The following MAGEA10 variants were observed in gnomAD, a reference collection of about 807,000 sequenced individuals.
The protein encoded by MAGEA10 is melanoma-associated antigen 10.
MAGEA10 carries 7 observed loss-of-function variants against 8.6 expected under a neutral mutation model. The ratio of observed to expected loss-of-function variants is 0.82; its 90% CI spans 0.46 to 1.53. The LOEUF (loss-of-function observed/expected upper bound fraction) is 1.53, where lower values mean the gene tolerates loss of function less well. Among genes scored for constraint, MAGEA10 ranks in the 40% most tolerant of loss-of-function variants. The pLI, the probability that MAGEA10 is intolerant of heterozygous loss-of-function variation, is 0.01. For missense variants in MAGEA10, 293 were observed against 274.0 expected, an observed-to-expected ratio of 1.07 and a Z score of -0.49; for synonymous variants, 125 against 107.4, an observed-to-expected ratio of 1.16 and a Z score of -1.02.
Position 152,134,584 on chromosome X carries a change from G to A in MAGEA10, c.1037C>T (p.Ala346Val). 8.3e-7 allele frequency: 1 copy of A among 1,206,964 alleles called. No homozygotes were observed. Among genetic ancestry groups the A allele is most frequent in the South Asian group, 1.8e-5 (1 of 56,867 alleles). The part of the protein sequence containing the change: ...DEEERAQDRI[A>V]TTDDTTAMAS... ...CATGGCAGTAGTATCATCTGTGGTG[G>A]CAATTCTGTCCTGGGCTCTCTCTTC... is the stretch of plus-strand genomic sequence containing the variant. The change falls in exon 4 of 4, where the codon GCC becomes GTC. Residue 346 changes from alanine (A) to valine (V), a missense_variant. By Grantham distance (64) the Ala-to-Val change is moderately conservative. Transcript: ENST00000370323.
chrX:152,138,341 T>TGGGGGGGGGGGAGGGGGGGGGGGGGGG (rs11365460), intron 1 of MAGEA10, 134 bp downstream of exon 1: 15 of 26,413 alleles, frequency 5.7e-4, no homozygotes, highest in African/African-American at 1.1e-3. Flanking sequence ...GGGGCGGGGG[T>TGGGGGGGGGGGAGGGGGGGGGGGGGGG]GGGGGGGGGG....
intron 1 of MAGEA10, among the ~76,000 whole-genome samples, chrX:152,138,008 T>C (rs1936717610): frequency 9.1e-6 from 1 of 110,257 alleles, no homozygotes; most frequent in Non-Finnish European, 1.9e-5. Flanking sequence ...AGAGGTGGGG[T>C]GGGCACCCTG....
In MAGEA10 at chrX:152,135,065, C is replaced by T; in HGVS notation, c.556G>A (p.Val186Ile). ...ACTTCCTTTACATCAATGCCAAAGA[C>T]CAGCAGCATGCACTCGGAGGCTTCA... is the stretch of plus-strand genomic sequence containing the variant. ...FSEASECMLL[V>I]FGIDVKEVDP... The change falls in exon 4 of 4, where the codon GTC (valine) becomes ATC (isoleucine). Residue 186 changes from valine to isoleucine, a missense_variant. Val to Ile is a conservative substitution (Grantham distance 29). Coordinates refer to ENST00000370323, the MANE Select transcript of MAGEA10 (RefSeq NM_021048.5). The T allele has an allele frequency of 8.3e-7, 1 of 1,211,317 alleles. No individual in the cohort carries two copies. The highest frequency in any genetic ancestry group is 2.2e-5 in the Admixed American group (1 of 46,051).
chrX:152,135,904 T>C, intron 2 of MAGEA10, 70 bp from the exon 3 acceptor site: 1 of 253,396 alleles, frequency 3.9e-6, no homozygotes, highest in Non-Finnish European at 7.1e-6. Flanking sequence ...GGACTGACAG[T>C]AGGGTAGGTG....
intron 2 of MAGEA10, chrX:152,136,096 AG>A (rs1936668616): frequency 8.9e-6 from 1 of 112,473 alleles, no homozygotes; most frequent in African/African-American, 3.3e-5. Flanking sequence ...AGAGGAATTG[AG>A]GGGCCCTCAG....
rs1033532929 is a variant in MAGEA10 at position 152,134,117 on chromosome X, A to C, written c.*394T>G. 1.5e-5 allele frequency: 2 copies of C among 129,858 alleles called. No individual in the cohort carries two copies. Among genetic ancestry groups the C allele is most frequent in the Non-Finnish European group, 3.1e-5 (2 of 65,394 alleles). The allele number at this position is 129,858 out of a possible 1,213,427, so 10.7% of individuals were successfully genotyped here. ...TCTCATTTGTTTTCATAAATTAAAA[A>C]AAAACAAAAACATAAACAAAAACTG... is the stretch of plus-strand genomic sequence containing the variant. On this transcript the variant is annotated 3_prime_UTR_variant, in exon 4 of 4. Transcript: ENST00000370323.
In MAGEA10 at chrX:152,134,446, C is replaced by A; in HGVS notation, c.*65G>T. On this transcript the variant is annotated 3_prime_UTR_variant, in exon 4 of 4. Transcript: ENST00000370323. ...TTTTTTTTTTTTTTTTTAGATTCCACATATGAGTAAAATCATGTGGTATTT... is the reference window on the plus strand; with the variant it reads ...TTTTTTTTTTTTTTTTTAGATTCCAAATATGAGTAAAATCATGTGGTATTT... 3.1e-4 allele frequency: 219 copies of A among 695,484 alleles called. No homozygotes were observed. Among genetic ancestry groups the A allele is most frequent in the Middle Eastern group, 5.3e-4 (1 of 1,899 alleles). The allele number at this position is 695,484 out of a possible 1,213,427, so 57.3% of individuals were successfully genotyped here. A position where few individuals can be genotyped will look rare whatever the true frequency, so the allele number is the denominator to read the frequency against.
At chrX:152,136,482 C>T (rs1936677613) in intron 2 of MAGEA10, among the ~76,000 whole-genome samples, 1 of 110,517 alleles carries the variant, frequency 9.0e-6, no homozygotes, top group African/African-American at 3.3e-5. Flanking sequence ...TCTGAGGCCA[C>T]TTCCTTAAAC....
At chrX:152,137,442 GC>G (rs1936702677) in intron 1 of MAGEA10, among the ~76,000 whole-genome samples, 1 of 9,022 alleles carries the variant, frequency 1.1e-4, no homozygotes, top group African/African-American at 3.5e-4. Context: ...GGGGTGGTGG[GC>G]AGGGGAGGGG....
chrX:152,137,934 G>A (rs775345497), intron 1 of MAGEA10, among the ~76,000 whole-genome samples: 119 of 110,398 alleles, frequency 1.1e-3, no homozygotes, highest in Non-Finnish European at 2.1e-3. Context: ...ACGCCCCGCC[G>A]CAGACCTGAG....
intron 1 of MAGEA10, among the ~76,000 whole-genome samples, 199 bp downstream of exon 1, chrX:152,138,276 C>G (rs1936723455): frequency 9.8e-6 from 1 of 102,318 alleles, no homozygotes; most frequent in African/African-American, 3.6e-5. Flanking sequence ...GGGCCCTGGT[C>G]ACACCAAGCT....
Position 152,134,897 on chromosome X carries a change from G to T in MAGEA10, c.724C>A (p.Pro242Thr). The change falls in exon 4 of 4, where the codon CCT (proline) becomes ACT (threonine). Residue 242 changes from proline (P) to threonine (T), a missense_variant. Transcript: ENST00000370323. ...AGTGCTTCCCAGATGACCTCCTCAG[G>T]GGTGCAGTAGCCCTCTATGAAGACT... ...SIVFIEGYCT[P>T]EEVIWEALNM... 8.3e-7 allele frequency: 1 copy of T among 1,210,908 alleles called. No homozygotes were observed. The highest frequency in any genetic ancestry group is 1.1e-6 in the Non-Finnish European group (1 of 895,114).
At position 152,138,562 on chromosome X, in the gene MAGEA10, C is replaced by G. The variant is rs2124304467; in HGVS notation, c.-326G>C. On this transcript the variant is annotated 5_prime_UTR_variant, in exon 1 of 4. Transcript: ENST00000370323. ...CGAGAACCTCGCTTCTCTCTGATCC[C>G]CGAGGCGTAAGTTAGTGGCGTCACA... 1 of 104,924 alleles carries G rather than the reference C, an allele frequency of 9.5e-6. No homozygotes were observed. The highest frequency in any genetic ancestry group is 1.0e-4 in the Admixed American group (1 of 9,682). 8.6% of individuals were successfully genotyped at this position (104,924 alleles called of 1,213,427 possible).
In MAGEA10 at chrX:152,134,559, C is replaced by T. The variant is rs1470196141; in HGVS notation, c.1062G>A (p.Met354Ile). Residue 354 changes from methionine (M) to isoleucine (I), a missense_variant, in exon 4 of 4, where the codon ATG (methionine) becomes ATA (isoleucine). Coordinates refer to ENST00000370323, the MANE Select transcript of MAGEA10 (RefSeq NM_021048.5). ...RIATTDDTTA[M>I]ASASSSATGS... ...CTGTAGCGCTAGAACTTGCACTGGC[C>T]ATGGCAGTAGTATCATCTGTGGTGG... 1.7e-6 allele frequency: 2 copies of T among 1,208,673 alleles called. No individual in the cohort carries two copies. The highest frequency in any genetic ancestry group is 4.4e-5 in the Admixed American group (2 of 45,961).
chrX:152,134,937 T>C lies in MAGEA10; in HGVS notation c.684A>G (p.Ile228Met), dbSNP rs1360761928. 2.5e-6 allele frequency: 3 copies of C among 1,208,122 alleles called. No individual in the cohort carries two copies. Among genetic ancestry groups the C allele is most frequent in the Non-Finnish European group, 3.4e-6 (3 of 894,281 alleles). ...VQSMPKTGIL[I>M]LILSIVFIEG... ...CTATGAAGACTATGCTTAGGATAAGTATGAGAATGCCAGTCTTGGGCATGC... is the reference window on the plus strand; with the variant it reads ...CTATGAAGACTATGCTTAGGATAAGCATGAGAATGCCAGTCTTGGGCATGC... Residue 228 changes from isoleucine (I) to methionine (M), a missense_variant, in exon 4 of 4, where the codon ATA becomes ATG. Coordinates refer to ENST00000370323, the MANE Select transcript of MAGEA10 (RefSeq NM_021048.5).
intron 2 of MAGEA10, 126 bp from the exon 3 acceptor site, chrX:152,135,960 C>T (rs6627538): frequency 0.036 from 6,707 of 185,739 alleles, 266 homozygotes; most frequent in African/African-American, 0.12. Context: ...AGGTGGGGCC[C>T]TTGGTACACA....
In MAGEA10 at chrX:152,134,799, A is replaced by G. The variant is rs376509634; in HGVS notation, c.822T>C (p.Asp274=). The G allele has an allele frequency of 8.3e-6, 10 of 1,209,629 alleles. No individual in the cohort carries two copies. The highest frequency in any genetic ancestry group is 2.3e-4 in the Middle Eastern group (1 of 4,353). Residue 274 remains aspartate, a synonymous_variant, in exon 4 of 4, where the codon GAT becomes GAC. Transcript: ENST00000370323. The part of the protein sequence containing the change: ...YGEPRKLLTQ[D]WVQENYLEYR... ...ACTCCAGGTAGTTTTCCTGCACCCA[A>G]TCTTGGGTGAGCAGCTTCCTGGGCT...
At chrX:152,138,132 T>C in intron 1 of MAGEA10, among the ~76,000 whole-genome samples, 1 of 110,752 alleles carries the variant, frequency 9.0e-6, no homozygotes. Flanking sequence ...CAGCCTCAGA[T>C]GCCGACGTCA....
rs751746393 is a variant in MAGEA10, at chrX:152,138,037, C to T, written c.-239+438G>A. ...CACCCTGTCCTGGGATCCCTTCATG[C>T]CTCCCTCATTTCCCAGCAGGGCCCG... On this transcript the variant is annotated intron_variant, in intron 1 of 3. Transcript: ENST00000370323. Among the ~76,000 whole-genome samples the T allele has an allele frequency of 3.6e-4, 40 of 110,393 alleles. No individual in the cohort carries two copies. The East Asian group carries it at 8.4e-3, about 23-fold the overall frequency.
Sources: allele counts gnomAD v4.1 joint callset (sites outside exome capture counted in the v4.1 genomes callset), GRCh38; gene constraint gnomAD v4.1.1; transcripts MANE v1.5; gene names NCBI Gene and HGNC (gene_info 2026-07-23, HGNC 2026-07-21).